KMT2C: variants seen among roughly 807,000 people sequenced by gnomAD.
KMT2C encodes lysine methyltransferase 2C.
In KMT2C, 88 loss-of-function variants were observed where a neutral mutation model predicts 507.9. The observed-to-expected ratio is 0.17, with a 90% CI of 0.15 to 0.21. The LOEUF (loss-of-function observed/expected upper bound fraction) is 0.21, where lower values mean the gene tolerates loss of function less well. Ranked by LOEUF, KMT2C falls within the 10% of genes least tolerant of loss-of-function variation. The probability of loss-of-function intolerance (pLI) is 1.00; values close to 1 mark genes in which losing one functional copy is unlikely to be tolerated. For missense variants in KMT2C, 4,954 were observed against 5,957.8 expected, an observed-to-expected ratio of 0.83 and a Z score of 5.55; for synonymous variants, 2,049 against 2,080.8, an observed-to-expected ratio of 0.98 and a Z score of 0.42.
chr7:152,266,763 TGC>T (rs1194244660), intron 7 of KMT2C, among the ~76,000 whole-genome samples: 77 of 145,806 alleles, frequency 5.3e-4, no homozygotes, highest in Admixed American at 4.7e-4. Context: ...TGTTTTTATT[TGC>T]ACTCTTTTAA....
intron 14 of KMT2C, among the ~76,000 whole-genome samples, chr7:152,241,539 A>G (rs1390442984): frequency 7.8e-6 from 1 of 127,440 alleles, no homozygotes; most frequent in Middle Eastern, 3.6e-3. Context: ...TATTTTCTCA[A>G]CAGCAGACCT....
In KMT2C at chr7:152,177,280, C is replaced by T. The variant is rs746319127; in HGVS notation, c.8173G>A (p.Glu2725Lys). The T allele has an allele frequency of 6.2e-7, 1 of 1,613,990 alleles. No individual in the cohort carries two copies. ...TCCAATTCAACTACCTTGCCATCCTCTGTATCTAAATTTAAGTTTTCAAGA... is the reference window on the plus strand; with the variant it reads ...TCCAATTCAACTACCTTGCCATCCTTTGTATCTAAATTTAAGTTTTCAAGA... ...EDLENLNLDT[E>K]DGKVVELDTL... The change falls in exon 38 of 59, where the codon GAG becomes AAG. Residue 2725 changes from glutamate to lysine, a missense_variant. Physicochemically the swap from Glu to Lys is moderately conservative, Grantham distance 56. Coordinates refer to ENST00000262189, the MANE Select transcript of KMT2C (RefSeq NM_170606.3).
rs981195984 is a variant in KMT2C at position 152,158,976 on chromosome 7, G to A, written c.11557C>T (p.Arg3853Trp). Residue 3853 changes from arginine to tryptophan, a missense_variant, in exon 44 of 59, where the codon CGG (arginine) becomes TGG (tryptophan). Coordinates refer to ENST00000262189, the MANE Select transcript of KMT2C (RefSeq NM_170606.3). ...GCTTTCTCACCCGTCCTCTGAGTCC[G>A]TTTGCTTCGCTGTTTCTTGGTTTCA... is the stretch of plus-strand genomic sequence containing the variant. ...GSETKKQRSK[R>W]TQRTGEKAAP... 5 of 1,614,084 alleles carry A rather than the reference G, an allele frequency of 3.1e-6. No individual in the cohort carries two copies. The highest frequency in any genetic ancestry group is 4.2e-6 in the Non-Finnish European group (5 of 1,179,998).
chr7:152,413,597 A>G (rs2097703200), intron 1 of KMT2C, among the ~76,000 whole-genome samples: 1 of 151,480 alleles, frequency 6.6e-6, no homozygotes, highest in Non-Finnish European at 1.5e-5. Context: ...TAAAATTACA[A>G]AAACTGGCCG....
At position 152,176,190 on chromosome 7, in the gene KMT2C, C is replaced by A. The variant is rs2129112579; in HGVS notation, c.9262+1G>T. 2 of 1,586,074 alleles carry A rather than the reference C, an allele frequency of 1.3e-6. No homozygotes were observed. Among genetic ancestry groups the A allele is most frequent in the Non-Finnish European group, 8.6e-7 (1 of 1,166,382 alleles). Reference sequence around the variant, plus strand: ...ACGTTGAGACTCAAGAAAACTCCTACCAATATTAGGGAAGAACGGTTCTGA... The same window carrying A: ...ACGTTGAGACTCAAGAAAACTCCTAACAATATTAGGGAAGAACGGTTCTGA... On this transcript the variant is annotated splice_donor_variant, in intron 38 of 58. Coordinates refer to ENST00000262189, the MANE Select transcript of KMT2C (RefSeq NM_170606.3). LOFTEE classifies it high-confidence loss of function.
In KMT2C at chr7:152,368,552, G is replaced by A. The variant is rs1357420219; in HGVS notation, c.162-9877C>T. On this transcript the variant is annotated intron_variant, in intron 1 of 58. Transcript: ENST00000262189. ...CAGCACAAAGAATTAGAGGAAAAAC[G>A]TCGTCAGTTTGAGGATGAGAAGGCA... is the stretch of plus-strand genomic sequence containing the variant. 5 of 1,382,002 alleles carry A rather than the reference G, an allele frequency of 3.6e-6. No homozygotes were observed. In the East Asian group the frequency reaches 7.1e-5, roughly 20 times the overall value. The allele number at this position is 1,382,002 out of a possible 1,614,324, so 85.6% of individuals were successfully genotyped here.
At chr7:152,206,681 C>T (rs141714243) in intron 24 of KMT2C, among the ~76,000 whole-genome samples, 14 of 152,228 alleles carry the variant, frequency 9.2e-5, no homozygotes, top group African/African-American at 3.4e-4. Context: ...TAAATAAATA[C>T]ATAAAAGCCT....
chr7:152,257,865 G>GCGCACA (rs1046726724), intron 9 of KMT2C, among the ~76,000 whole-genome samples: 1 of 147,218 alleles, frequency 6.8e-6, no homozygotes, highest in African/African-American at 2.5e-5. Flanking sequence ...ACACACACAC[G>GCGCACA]CACACACACA....
chr7:152,414,475 C>T (rs1432761959), intron 1 of KMT2C, among the ~76,000 whole-genome samples: 1 of 152,068 alleles, frequency 6.6e-6, no homozygotes, highest in Admixed American at 6.6e-5. Context: ...TTGCCATGAG[C>T]CGAGATTGTG....
At chr7:152,255,591 G>A (rs2095647585) in intron 9 of KMT2C, among the ~76,000 whole-genome samples, 1 of 152,078 alleles carries the variant, frequency 6.6e-6, no homozygotes, top group African/African-American at 2.4e-5. Context: ...CCTGTGAAAT[G>A]GATAAGTTCT....
chr7:152,328,898 G>A (rs2096854939), intron 3 of KMT2C, among the ~76,000 whole-genome samples: 1 of 152,236 alleles, frequency 6.6e-6, no homozygotes, highest in East Asian at 1.9e-4. Flanking sequence ...AAATCGTAGG[G>A]AGAAGCAGAT....
Position 152,219,424 on chromosome 7 carries a change from C to T in KMT2C, c.3712+1099G>A, listed in dbSNP as rs539602064. Among the ~76,000 whole-genome samples, 236 of 152,188 alleles carry T rather than the reference C, an allele frequency of 1.6e-3. 1 individual carries two copies. Among genetic ancestry groups the T allele is most frequent in the Middle Eastern group, 3.4e-3 (1 of 292 alleles). On this transcript the variant is annotated intron_variant, in intron 23 of 58. Coordinates refer to ENST00000262189, the MANE Select transcript of KMT2C (RefSeq NM_170606.3). Reference sequence around the variant, plus strand: ...TGTACACTGATATGATTTCCAACATCTGACATACAGTAGATATTCAATAAA... The same window carrying T: ...TGTACACTGATATGATTTCCAACATTTGACATACAGTAGATATTCAATAAA...
intron 1 of KMT2C, among the ~76,000 whole-genome samples, chr7:152,413,763 T>C (rs1309780466): frequency 3.3e-5 from 5 of 151,368 alleles, no homozygotes; most frequent in African/African-American, 1.2e-4. Context: ...CGGGCGCCTG[T>C]AATCCCAGCT....
At chr7:152,395,978 G>A (rs1160178671) in intron 1 of KMT2C, among the ~76,000 whole-genome samples, 6 of 152,042 alleles carry the variant, frequency 3.9e-5, no homozygotes, top group Non-Finnish European at 5.9e-5. Context: ...CTTACTGCCC[G>A]CAACAATCCT....
intron 14 of KMT2C, among the ~76,000 whole-genome samples, chr7:152,241,112 C>T (rs957857205): frequency 6.6e-6 from 1 of 152,230 alleles, no homozygotes; most frequent in Non-Finnish European, 1.5e-5. Flanking sequence ...GTCCTTCAAA[C>T]ATGCCAAGCT....
intron 1 of KMT2C, among the ~76,000 whole-genome samples, chr7:152,416,480 C>T (rs113061572): frequency 7.9e-5 from 12 of 152,308 alleles, no homozygotes; most frequent in Non-Finnish European, 8.8e-5. Context: ...ACCCAGGAGG[C>T]GGAGTTTGCA....
At position 152,425,040 on chromosome 7, in the gene KMT2C, T is replaced by C. The variant is rs138895255; in HGVS notation, c.161+10586A>G. On this transcript the variant is annotated intron_variant, in intron 1 of 58. Transcript: ENST00000262189. ...GGGCTAGGCGAGATACAAAGAGAGA[T>C]GACTATACAATAGCATGAATACCCA... is the stretch of plus-strand genomic sequence containing the variant. Among the ~76,000 whole-genome samples the C allele has an allele frequency of 1.5e-3, 221 of 152,306 alleles. 1 individual carries two copies. The highest frequency in any genetic ancestry group is 5.0e-3 in the African/African-American group (209 of 41,560).
chr7:152,358,481 A>C (rs1423054594), intron 2 of KMT2C, 106 bp downstream of exon 2: 3 of 720,086 alleles, frequency 4.2e-6, no homozygotes, highest in Non-Finnish European at 6.7e-6. Context: ...GTTCAGTATA[A>C]AAACAAATGC....
At chr7:152,163,879 GTAAAAC>G (rs2092588420) in intron 42 of KMT2C, 53 bp from the exon 43 acceptor site, 2 of 1,523,280 alleles carry the variant, frequency 1.3e-6, no homozygotes, top group South Asian at 2.3e-5. Flanking sequence ...AGGTACTGAA[GTAAAAC>G]ACTGGCTGAT....
Sources: gnomAD v4.1 joint callset for allele counts (sites outside exome capture counted in the v4.1 genomes callset) on GRCh38, gnomAD v4.1.1 for gene constraint, MANE v1.5 for transcripts, NCBI Gene and HGNC (gene_info 2026-07-23, HGNC 2026-07-21) for gene names.